CPNE8: variants seen among roughly 807,000 people sequenced by gnomAD.
The protein encoded by CPNE8 is copine-8.
Under a neutral mutation model 81.5 loss-of-function variants are expected in CPNE8, and 45 were observed. The ratio of observed to expected loss-of-function variants is 0.55; its 90% CI spans 0.44 to 0.71. The LOEUF is 0.71. Ranked by LOEUF, CPNE8 falls within the 30% of genes least tolerant of loss-of-function variation. The pLI, the probability that CPNE8 is intolerant of heterozygous loss-of-function variation, is 0.00. For missense variants in CPNE8, 594 were observed against 672.1 expected (o/e 0.88, Z 1.28); for synonymous variants, 252 against 226.3 (o/e 1.11, Z -1.02).
chr12:38,730,215 T>C, intron 11 of CPNE8, 68 bp downstream of exon 11: 1 of 955,840 alleles, frequency 1.0e-6, no homozygotes, highest in East Asian at 2.4e-5. Flanking sequence ...CTTTGCAGAA[T>C]CCACACTTTT....
intron 13 of CPNE8, among the ~76,000 whole-genome samples, chr12:38,715,175 T>C (rs367752044): frequency 6.6e-6 from 1 of 152,110 alleles, no homozygotes; most frequent in Non-Finnish European, 1.5e-5. Context: ...CTCAGCAAAA[T>C]TGCTGAACAG....
intron 6 of CPNE8, among the ~76,000 whole-genome samples, chr12:38,787,127 C>A (rs1429100249): frequency 2.0e-5 from 3 of 152,004 alleles, no homozygotes; most frequent in Non-Finnish European, 4.4e-5. Flanking sequence ...TATAGAGAAC[C>A]TTTTCATCCA....
intron 5 of CPNE8, among the ~76,000 whole-genome samples, chr12:38,831,076 C>T (rs1019043763): frequency 2.6e-5 from 4 of 152,158 alleles, no homozygotes; most frequent in African/African-American, 9.7e-5. Context: ...GTCAAGGGAA[C>T]ATTTTCCCAA....
chr12:38,711,821 A>T (rs1940266183), intron 13 of CPNE8, among the ~76,000 whole-genome samples: 1 of 152,094 alleles, frequency 6.6e-6, no homozygotes, highest in South Asian at 2.1e-4. Context: ...AACCAAATAA[A>T]TGTTTATAAC....
At chr12:38,883,344 A>T (rs1471249818) in intron 1 of CPNE8, among the ~76,000 whole-genome samples, 1 of 152,242 alleles carries the variant, frequency 6.6e-6, no homozygotes, top group Non-Finnish European at 1.5e-5. Flanking sequence ...GCTGCAAATA[A>T]TGTTATTATT....
At chr12:38,860,181 A>G (rs1210661486) in intron 3 of CPNE8, among the ~76,000 whole-genome samples, 1 of 152,038 alleles carries the variant, frequency 6.6e-6, no homozygotes, top group Non-Finnish European at 1.5e-5. Context: ...ATATACAAAG[A>G]AATCGGAAAC....
intron 6 of CPNE8, among the ~76,000 whole-genome samples, chr12:38,778,336 A>T (rs1269788358): frequency 6.6e-6 from 1 of 152,198 alleles, no homozygotes; most frequent in African/African-American, 2.4e-5. Context: ...GTCTCGGGAC[A>T]TATCACTGTT....
At chr12:38,662,418 A>T (rs1322618501) in intron 19 of CPNE8, among the ~76,000 whole-genome samples, 1 of 152,118 alleles carries the variant, frequency 6.6e-6, no homozygotes, top group East Asian at 1.9e-4. Context: ...AGCCAAAAAA[A>T]CTAGAAATAC....
At chr12:38,812,199 A>T (rs1220710193) in intron 6 of CPNE8, among the ~76,000 whole-genome samples, 1 of 152,220 alleles carries the variant, frequency 6.6e-6, no homozygotes, top group Non-Finnish European at 1.5e-5. Flanking sequence ...GGCAAGTTGA[A>T]CAGGTGCAGA....
intron 6 of CPNE8, among the ~76,000 whole-genome samples, chr12:38,812,516 C>T (rs985938623): frequency 1.3e-5 from 2 of 152,272 alleles, no homozygotes; most frequent in African/African-American, 4.8e-5. Context: ...CTCGTGAAAA[C>T]TCACTATCAT....
At chr12:38,901,958 C>T (rs1050600005) in intron 1 of CPNE8, among the ~76,000 whole-genome samples, 3 of 152,096 alleles carry the variant, frequency 2.0e-5, no homozygotes, top group Admixed American at 1.3e-4. Context: ...TTTTGCATTT[C>T]TCATGGACCC....
At chr12:38,905,041 C>G (rs1217637073) in intron 1 of CPNE8, among the ~76,000 whole-genome samples, 1 of 152,084 alleles carries the variant, frequency 6.6e-6, no homozygotes, top group African/African-American at 2.4e-5. Flanking sequence ...GAGGAAGTCC[C>G]GGGCCTAAGC....
intron 6 of CPNE8, among the ~76,000 whole-genome samples, chr12:38,822,426 G>A (rs77363121): frequency 2.0e-3 from 302 of 152,080 alleles, no homozygotes; most frequent in African/African-American, 6.7e-3. Context: ...AGCTAAACAC[G>A]TCTCTAAGAA....
chr12:38,652,843 C>T lies in CPNE8; in HGVS notation c.*1039G>A, dbSNP rs185118160. The T allele has an allele frequency of 5.2e-5, 8 of 152,734 alleles. No individual in the cohort carries two copies. The East Asian group carries it at 1.5e-3, about 29-fold the overall frequency. The allele number at this position is 152,734 out of a possible 1,614,324, so 9.5% of individuals were successfully genotyped here. ...CACAAATGTGTTGTGCACTAAGTCA[C>T]ATAGTTGTATATATTTAACTGGGAA... On this transcript the variant is annotated 3_prime_UTR_variant, in exon 20 of 20. Coordinates refer to ENST00000331366, the MANE Select transcript of CPNE8 (RefSeq NM_153634.3).
rs1944014846 is a variant in CPNE8 at position 38,873,001 on chromosome 12, T to A, written c.186+3A>T. ...GATTTTTTTAAAAAAGTTTTAAACT[T>A]ACCTCTCTCCATTCTTTATTTCCAA... On this transcript the variant is annotated splice_donor_region_variant and intron_variant, in intron 3 of 19. Transcript: ENST00000331366. 1 of 1,521,008 alleles carries A rather than the reference T, an allele frequency of 6.6e-7. No homozygotes were observed. Among genetic ancestry groups the A allele is most frequent in the Non-Finnish European group, 9.1e-7 (1 of 1,099,968 alleles). The allele number at this position is 1,521,008 out of a possible 1,614,324, so 94.2% of individuals were successfully genotyped here. A position where few individuals can be genotyped will look rare whatever the true frequency, so the allele number is the denominator to read the frequency against.
intron 6 of CPNE8, among the ~76,000 whole-genome samples, chr12:38,828,973 TC>T (rs1235433247): frequency 6.6e-6 from 1 of 152,162 alleles, no homozygotes; most frequent in Non-Finnish European, 1.5e-5. Context: ...ACAAGCCACT[TC>T]CATGGTAAAA....
At chr12:38,884,929 A>C (rs2137129223) in intron 1 of CPNE8, among the ~76,000 whole-genome samples, 1 of 152,250 alleles carries the variant, frequency 6.6e-6, no homozygotes, top group Non-Finnish European at 1.5e-5. Flanking sequence ...AGTATATAAA[A>C]CTGATTAGGA....
chr12:38,685,373 C>T (rs1939510096), intron 16 of CPNE8, 117 bp downstream of exon 16: 6 of 1,105,060 alleles, frequency 5.4e-6, no homozygotes, highest in African/African-American at 4.8e-5. Flanking sequence ...TCCCCACTTT[C>T]TTGGAGGTAA....
At chr12:38,887,942 G>A (rs1009143965) in intron 1 of CPNE8, among the ~76,000 whole-genome samples, 2 of 152,196 alleles carry the variant, frequency 1.3e-5, no homozygotes, top group Non-Finnish European at 2.9e-5. Context: ...ACAGCTAAGT[G>A]GACAATGATC....
Sources: gnomAD v4.1 joint callset for allele counts (sites outside exome capture counted in the v4.1 genomes callset) on GRCh38, gnomAD v4.1.1 for gene constraint, MANE v1.5 for transcripts, NCBI Gene and HGNC (gene_info 2026-07-23, HGNC 2026-07-21) for gene names.